FILIP1: variants seen among roughly 807,000 people sequenced by gnomAD.
FILIP1 encodes the protein filamin-A-interacting protein 1.
A neutral mutation model predicts 102.1 loss-of-function variants in FILIP1; 61 were observed. The observed-to-expected ratio is 0.60, with a 90% CI of 0.49 to 0.74. FILIP1 has a LOEUF of 0.74. FILIP1 is among the 30% of genes least tolerant of loss of function. The pLI, the probability that FILIP1 is intolerant of heterozygous loss-of-function variation, is 0.00. For synonymous variants in FILIP1, 491 were observed against 526.9 expected, an observed-to-expected ratio of 0.93 and a Z score of 0.93; for missense variants, 1,314 against 1,441.2, an observed-to-expected ratio of 0.91 and a Z score of 1.43.
intron 1 of FILIP1, among the ~76,000 whole-genome samples, chr6:75,438,101 T>A (rs544083266): frequency 6.6e-6 from 1 of 152,360 alleles, no homozygotes; most frequent in Admixed American, 6.5e-5. Context: ...TGTTTTACTG[T>A]CATGAATTTC....
chr6:75,398,629 G>C (rs1776544790), intron 2 of FILIP1, among the ~76,000 whole-genome samples: 1 of 152,124 alleles, frequency 6.6e-6, no homozygotes, highest in South Asian at 2.1e-4. Flanking sequence ...GAGGTTAAAG[G>C]TTGCACTAGG....
intron 2 of FILIP1, among the ~76,000 whole-genome samples, chr6:75,377,345 A>C (rs1205995441): frequency 6.6e-6 from 1 of 152,204 alleles, no homozygotes; most frequent in African/African-American, 2.4e-5. Context: ...CCAAATAGTC[A>C]ATTGCATTTG....
chr6:75,444,690 G>A (rs750656055), intron 1 of FILIP1, among the ~76,000 whole-genome samples: 3 of 151,982 alleles, frequency 2.0e-5, no homozygotes, highest in Non-Finnish European at 2.9e-5. Context: ...TATTAATAAC[G>A]AAGCTTAAAT....
intron 1 of FILIP1, among the ~76,000 whole-genome samples, chr6:75,472,413 T>C (rs536988398): frequency 7.7e-4 from 117 of 152,286 alleles, no homozygotes; most frequent in Admixed American, 5.9e-4. Flanking sequence ...TCAAGTCTTA[T>C]TAATATTCAT....
intron 1 of FILIP1, among the ~76,000 whole-genome samples, chr6:75,429,797 T>C (rs1777764080): frequency 6.6e-6 from 1 of 152,130 alleles, no homozygotes; most frequent in Non-Finnish European, 1.5e-5. Context: ...ATACTGATCT[T>C]TTACTGTTAC....
At chr6:75,414,216 G>A (rs1777173864) in intron 2 of FILIP1, among the ~76,000 whole-genome samples, 1 of 151,618 alleles carries the variant, frequency 6.6e-6, no homozygotes, top group Non-Finnish European at 1.5e-5. Flanking sequence ...TAAAAAAAGA[G>A]AGAAAAGACT....
rs1308857989 is a variant in FILIP1 at position 75,493,629 on chromosome 6, C to G, written c.-222G>C. On this transcript the variant is annotated 5_prime_UTR_variant, in exon 1 of 6. Transcript: ENST00000237172. ...GAAACAGAGTAGAGAGGAGGGAAAG[C>G]AGCTTCTTCTCCCTGAAATCCCGAT... is the stretch of plus-strand genomic sequence containing the variant. 1.3e-5 allele frequency: 2 copies of G among 152,190 alleles called. No homozygotes were observed. The allele number at this position is 152,190 out of a possible 1,614,324, so 9.4% of individuals were successfully genotyped here. A position where few individuals can be genotyped will look rare whatever the true frequency, so the allele number is the denominator to read the frequency against.
intron 1 of FILIP1, among the ~76,000 whole-genome samples, chr6:75,490,090 A>G (rs1779913123): frequency 1.3e-5 from 2 of 152,108 alleles, no homozygotes; most frequent in African/African-American, 4.8e-5. Context: ...CTCACCTGCC[A>G]AAAAATGAAA....
chr6:75,479,392 C>A (rs1779584794), intron 1 of FILIP1, among the ~76,000 whole-genome samples: 1 of 152,184 alleles, frequency 6.6e-6, no homozygotes, highest in Non-Finnish European at 1.5e-5. Flanking sequence ...TCAACTTCCT[C>A]ATACCCTCAC....
intron 1 of FILIP1, among the ~76,000 whole-genome samples, chr6:75,417,855 A>G (rs918633959): frequency 4.6e-5 from 7 of 152,192 alleles, no homozygotes; most frequent in African/African-American, 1.7e-4. Context: ...AAGTTCTTAA[A>G]CATATGCTAA....
chr6:75,472,808 C>T (rs780175257), intron 1 of FILIP1, among the ~76,000 whole-genome samples: 1 of 151,942 alleles, frequency 6.6e-6, no homozygotes, highest in Non-Finnish European at 1.5e-5. Context: ...ATTTAAAGAA[C>T]CAAAAGCATC....
intron 6 of FILIP1, among the ~76,000 whole-genome samples, chr6:75,301,133 C>A (rs1772825862): frequency 6.6e-6 from 1 of 152,088 alleles, no homozygotes. Flanking sequence ...GAATAGCATG[C>A]AAAATAACAT....
chr6:75,395,429 G>A (rs372028773), intron 2 of FILIP1, among the ~76,000 whole-genome samples: 8 of 152,136 alleles, frequency 5.3e-5, no homozygotes, highest in East Asian at 1.9e-4. Flanking sequence ...ACAGGCACCC[G>A]CAACCATGCC....
chr6:75,397,836 T>C (rs1776519939), intron 2 of FILIP1: 1 of 152,132 alleles, frequency 6.6e-6, no homozygotes, highest in African/African-American at 2.4e-5. Flanking sequence ...CATAGAACCA[T>C]AGACTTGCAA....
At chr6:75,441,817 CGGCTGGCCGGGCGGGG>C (rs1235935696) in intron 1 of FILIP1, among the ~76,000 whole-genome samples, 1 of 147,488 alleles carries the variant, frequency 6.8e-6, no homozygotes, top group Non-Finnish European at 1.5e-5. Flanking sequence ...CCGGACGGGG[CGGCTGGCCGGGCGGGG>C]GGCTGGCCCC....
intron 2 of FILIP1, among the ~76,000 whole-genome samples, chr6:75,376,969 T>G (rs1775771946): frequency 6.6e-6 from 1 of 152,210 alleles, no homozygotes; most frequent in African/African-American, 2.4e-5. Flanking sequence ...AGAAATGTCT[T>G]ACTATTTTTT....
chr6:75,402,763 T>C (rs970915961), intron 2 of FILIP1, among the ~76,000 whole-genome samples: 3 of 152,200 alleles, frequency 2.0e-5, no homozygotes, highest in Non-Finnish European at 2.9e-5. Context: ...AGTAGAATCA[T>C]AGTATTGTAG....
intron 1 of FILIP1, among the ~76,000 whole-genome samples, chr6:75,491,566 G>C (rs1298613411): frequency 6.6e-6 from 1 of 152,122 alleles, no homozygotes; most frequent in African/African-American, 2.4e-5. Flanking sequence ...AGGGTGAAGA[G>C]AACAGGCATT....
intron 1 of FILIP1, among the ~76,000 whole-genome samples, chr6:75,460,139 G>A (rs1778975141): frequency 6.6e-6 from 1 of 152,106 alleles, no homozygotes; most frequent in Non-Finnish European, 1.5e-5. Flanking sequence ...GCATGTCTAA[G>A]GATTCTTTGG....
Sources: gnomAD v4.1 joint callset for allele counts (sites outside exome capture counted in the v4.1 genomes callset) on GRCh38, gnomAD v4.1.1 for gene constraint, MANE v1.5 for transcripts, NCBI Gene and HGNC (gene_info 2026-07-23, HGNC 2026-07-21) for gene names.